The following LAMA2 variants were observed in gnomAD, a reference collection of about 807,000 sequenced individuals.
LAMA2 encodes laminin subunit alpha-2.
A neutral mutation model predicts 364.8 loss-of-function variants in LAMA2; 269 were observed. That is an observed-to-expected ratio of 0.74 (90% CI 0.67 to 0.82). The LOEUF (loss-of-function observed/expected upper bound fraction) is 0.82, where lower values mean the gene tolerates loss of function less well. Ranked by LOEUF, LAMA2 falls within the 40% of genes least tolerant of loss-of-function variation. The probability of loss-of-function intolerance (pLI) is 0.00; values close to 1 mark genes in which losing one functional copy is unlikely to be tolerated. For synonymous variants in LAMA2, 1,379 were observed against 1,370.6 expected (o/e 1.01, Z -0.14); for missense variants, 3,807 against 3,873.2 (o/e 0.98, Z 0.45).
rs542980143 is a variant in LAMA2, at chr6:129,449,623, T to C, written c.6430-3365T>C. On this transcript the variant is annotated intron_variant, in intron 45 of 64. Coordinates refer to ENST00000421865, the MANE Select transcript of LAMA2 (RefSeq NM_000426.4). ...CTCTGTAGGATTAATTGCCGGCATA[T>C]TGGGTATAACAACATCATTTTGCTT... is the stretch of plus-strand genomic sequence containing the variant. Among the ~76,000 whole-genome samples, 4 of 152,302 alleles carry C rather than the reference T, an allele frequency of 2.6e-5. No individual in the cohort carries two copies. In the East Asian group the frequency reaches 7.7e-4, roughly 29 times the overall value.
chr6:128,957,836 A>ATTTTTTTTTTTTTTTTTTTTTTTTTCCTT (rs10652900), intron 1 of LAMA2, among the ~76,000 whole-genome samples: 2 of 51,268 alleles, frequency 3.9e-5, no homozygotes, highest in African/African-American at 7.9e-5. Flanking sequence ...TACTTCATGC[A>ATTTTTTTTTTTTTTTTTTTTTTTTTCCTT]TTTTTTTTTT....
chr6:128,885,589 T>A (rs932256630), intron 1 of LAMA2, among the ~76,000 whole-genome samples: 4 of 152,116 alleles, frequency 2.6e-5, no homozygotes, highest in African/African-American at 9.7e-5. Flanking sequence ...TGGAGAAGGG[T>A]TTTCCTGGCT....
intron 33 of LAMA2, among the ~76,000 whole-genome samples, chr6:129,369,579 C>T (rs1376823880): frequency 6.6e-6 from 1 of 151,954 alleles, no homozygotes; most frequent in Non-Finnish European, 1.5e-5. Flanking sequence ...TAACTGTCTT[C>T]AAGACAGTTT....
intron 5 of LAMA2, 110 bp from the exon 6 acceptor site, chr6:129,146,829 CTCAAGAAACACAAATGTCCT>C: frequency 1.4e-6 from 1 of 724,432 alleles, no homozygotes; most frequent in Admixed American, 1.9e-5. Flanking sequence ...CTCACTTGTC[CTCAAGAAACACAAATGTCCT>C]TCAAACTAAG....
At chr6:129,460,979 A>G (rs1413030356) in intron 49 of LAMA2, among the ~76,000 whole-genome samples, 1 of 151,986 alleles carries the variant, frequency 6.6e-6, no homozygotes, top group Non-Finnish European at 1.5e-5. Flanking sequence ...AAAATATTTA[A>G]CATCCTATCA....
chr6:129,087,840 G>T (rs989874419), intron 3 of LAMA2, among the ~76,000 whole-genome samples: 1 of 150,418 alleles, frequency 6.6e-6, no homozygotes, highest in Non-Finnish European at 1.5e-5. Context: ...AAGAAAATGG[G>T]GCAATACATA....
rs1401306605 is a variant in LAMA2, at chr6:129,498,636, C to T, written c.8245-4023C>T. On this transcript the variant is annotated intron_variant, in intron 58 of 64. Coordinates refer to ENST00000421865, the MANE Select transcript of LAMA2 (RefSeq NM_000426.4). ...CATAAAGAAAATCATGACAAATAAGCACCAGATGTGATTTTAGCCCACATT... is the reference window on the plus strand; with the variant it reads ...CATAAAGAAAATCATGACAAATAAGTACCAGATGTGATTTTAGCCCACATT... 1.3e-5 allele frequency among the ~76,000 whole-genome samples: 2 copies of T among 152,232 alleles called. 1 individual carries two copies. Among genetic ancestry groups the T allele is most frequent in the Middle Eastern group, 6.8e-3 (2 of 294 alleles).
intron 53 of LAMA2, among the ~76,000 whole-genome samples, chr6:129,477,222 T>C (rs750268043): frequency 6.6e-6 from 1 of 152,172 alleles, no homozygotes; most frequent in Non-Finnish European, 1.5e-5. Flanking sequence ...TAACAATAAA[T>C]ATTCAGTTTC....
At chr6:129,100,934 T>G (rs537884108) in intron 4 of LAMA2, among the ~76,000 whole-genome samples, 37 of 152,334 alleles carry the variant, frequency 2.4e-4, no homozygotes, top group African/African-American at 8.9e-4. Context: ...CATACAACAT[T>G]TGAGGATATT....
intron 34 of LAMA2, among the ~76,000 whole-genome samples, chr6:129,376,828 T>TA (rs763412190): frequency 4.1e-4 from 62 of 152,318 alleles, no homozygotes; most frequent in Non-Finnish European, 8.5e-4. Flanking sequence ...TTTGTAGTTA[T>TA]AAATTTATCT....
rs186016071 is a variant in LAMA2 at position 129,413,806 on chromosome 6, G to A, written c.5865+9847G>A. Among the ~76,000 whole-genome samples, 7 of 152,176 alleles carry A rather than the reference G, an allele frequency of 4.6e-5. No individual in the cohort carries two copies. The East Asian group carries it at 1.4e-3, about 29-fold the overall frequency. ...TGTACAGTTTGGAATGCAGATATTA[G>A]GCAAGGGTAAGAACTGATACTAATT... On this transcript the variant is annotated intron_variant, in intron 40 of 64. Transcript: ENST00000421865.
intron 4 of LAMA2, among the ~76,000 whole-genome samples, chr6:129,131,746 G>T (rs1394842088): frequency 1.3e-5 from 2 of 152,126 alleles, no homozygotes; most frequent in African/African-American, 4.8e-5. Context: ...CTGTTTACTT[G>T]TATCAAAATT....
At chr6:129,175,091 G>C (rs747152998) in intron 9 of LAMA2, among the ~76,000 whole-genome samples, 1 of 151,980 alleles carries the variant, frequency 6.6e-6, no homozygotes, top group African/African-American at 2.4e-5. Context: ...TTCCCATTTG[G>C]TCTATTGGGT....
chr6:129,047,906 C>T (rs9492211), intron 1 of LAMA2, among the ~76,000 whole-genome samples: 3,760 of 152,192 alleles, frequency 0.025, 144 homozygotes, highest in African/African-American at 0.087. Context: ...TAGATCTATG[C>T]TGGTTTCATA....
chr6:129,338,199 C>T (rs1583526926), intron 29 of LAMA2, among the ~76,000 whole-genome samples: 2 of 152,228 alleles, frequency 1.3e-5, no homozygotes, highest in Middle Eastern at 3.4e-3. Context: ...AATTCAGTTA[C>T]TAATGTTATA....
At chr6:129,383,739 G>A (rs1778826260) in intron 35 of LAMA2, among the ~76,000 whole-genome samples, 1 of 152,106 alleles carries the variant, frequency 6.6e-6, no homozygotes, top group African/African-American at 2.4e-5. Flanking sequence ...CTAGGAGTTA[G>A]TTCTTGCCAT....
chr6:129,276,467 T>A (rs1266680955), intron 17 of LAMA2, among the ~76,000 whole-genome samples: 2 of 152,140 alleles, frequency 1.3e-5, no homozygotes, highest in Non-Finnish European at 2.9e-5. Context: ...ATTGACTTAA[T>A]ATGTGTTTAA....
At chr6:129,392,086 T>G (rs1779355071) in intron 36 of LAMA2, among the ~76,000 whole-genome samples, 1 of 152,212 alleles carries the variant, frequency 6.6e-6, no homozygotes, top group South Asian at 2.1e-4. Flanking sequence ...TTGGCCAACC[T>G]ATACATTTTA....
intron 43 of LAMA2, chr6:129,442,234 ATGGATG>A (rs777917781): frequency 1.5e-6 from 2 of 1,312,460 alleles, no homozygotes; most frequent in Admixed American, 4.5e-5. Flanking sequence ...ATCAAATCCT[ATGGATG>A]CTATGATATA....
Sources: gnomAD v4.1 joint callset for allele counts (sites outside exome capture counted in the v4.1 genomes callset) on GRCh38, gnomAD v4.1.1 for gene constraint, MANE v1.5 for transcripts, NCBI Gene and HGNC (gene_info 2026-07-23, HGNC 2026-07-21) for gene names.